Variants in EBF3 observed in about 807,000 individuals in gnomAD.
EBF3 encodes EBF transcription factor 3, also known as transcription factor COE3.
In EBF3, 18 loss-of-function variants were observed where a neutral mutation model predicts 77.1. That is an observed-to-expected ratio of 0.23 (90% CI 0.16 to 0.35). The LOEUF (loss-of-function observed/expected upper bound fraction) is 0.35, where lower values mean the gene tolerates loss of function less well. Ranked by LOEUF, EBF3 falls within the 10% of genes least tolerant of loss-of-function variation. EBF3 has a pLI of 1.00. For missense variants in EBF3, 558 were observed against 860.0 expected (o/e 0.65, Z 4.39); for synonymous variants, 350 against 343.5 (o/e 1.02, Z -0.21).
At chr10:129,882,403 T>C (rs1041047845) in intron 6 of EBF3, among the ~76,000 whole-genome samples, 12 of 152,230 alleles carry the variant, frequency 7.9e-5, no homozygotes, top group African/African-American at 2.9e-4. Flanking sequence ...TTTAATGGAA[T>C]ATCAAGGAGT....
chr10:129,937,375 G>A (rs942015059), intron 6 of EBF3, among the ~76,000 whole-genome samples: 34 of 152,094 alleles, frequency 2.2e-4, no homozygotes, highest in African/African-American at 7.5e-4. Flanking sequence ...GTGGGAATAC[G>A]ATCCTTGAGA....
Position 129,897,503 on chromosome 10 carries a change from TAACA to T in EBF3, c.555-19658_555-19655del, listed in dbSNP as rs1169238731. ...TAAATCAAGGGGGGCCAGGCAGACCTAACAAACAGAGGCAACACCTATGCAGGAA... is the reference window on the plus strand; with the variant it reads ...TAAATCAAGGGGGGCCAGGCAGACCTAACAGAGGCAACACCTATGCAGGAA... On this transcript the variant is annotated intron_variant, in intron 6 of 16. Transcript: ENST00000440978. This position sits in a 1 kb window ranked among gnomAD's most constrained non-coding sequence, Gnocchi z 4.6. Among the ~76,000 whole-genome samples the T allele has an allele frequency of 3.9e-5, 6 of 151,950 alleles. No homozygotes were observed. Among genetic ancestry groups the T allele is most frequent in the Admixed American group, 6.6e-5 (1 of 15,266 alleles).
Position 129,835,973 on chromosome 10 carries a change from A to G in EBF3, c.*1970T>C, listed in dbSNP as rs1849587700. The G allele has an allele frequency of 6.6e-6, 1 of 152,598 alleles. No homozygotes were observed. Among genetic ancestry groups the G allele is most frequent in the Non-Finnish European group, 1.5e-5 (1 of 68,046 alleles). The allele number at this position is 152,598 out of a possible 1,614,324, so 9.5% of individuals were successfully genotyped here. ...AGTGCTGTTGGAACTGACCACAAAA[A>G]TGTATTGTTAAAAAAAAATTGAAAA... On this transcript the variant is annotated 3_prime_UTR_variant, in exon 17 of 17. Coordinates refer to ENST00000440978, the MANE Select transcript of EBF3 (RefSeq NM_001375380.1).
At position 129,835,914 on chromosome 10, in the gene EBF3, T is replaced by C. The variant is rs971896533; in HGVS notation, c.*2029A>G. 1 of 151,626 alleles carries C rather than the reference T, an allele frequency of 6.6e-6. No individual in the cohort carries two copies. The highest frequency in any genetic ancestry group is 2.4e-5 in the African/African-American group (1 of 41,146). The allele number at this position is 151,626 out of a possible 1,614,324, so 9.4% of individuals were successfully genotyped here. On this transcript the variant is annotated 3_prime_UTR_variant, in exon 17 of 17. Coordinates refer to ENST00000440978, the MANE Select transcript of EBF3 (RefSeq NM_001375380.1). ...GTTTGGCACTAAGAGGCACGATATCTGAAGGAGGTCATTCCAGTTTTAAAA... is the reference window on the plus strand; with the variant it reads ...GTTTGGCACTAAGAGGCACGATATCCGAAGGAGGTCATTCCAGTTTTAAAA...
At chr10:129,884,174 G>A in intron 6 of EBF3, among the ~76,000 whole-genome samples, 1 of 152,152 alleles carries the variant, frequency 6.6e-6, no homozygotes, top group East Asian at 1.9e-4. Context: ...CCACAGCTGT[G>A]GTGTGTGCAC....
chr10:129,946,364 G>T lies in EBF3; in HGVS notation c.554+10894C>A, dbSNP rs548065939. Among the ~76,000 whole-genome samples the T allele has an allele frequency of 4.6e-5, 7 of 152,334 alleles. No individual in the cohort carries two copies. In the South Asian group the frequency reaches 1.4e-3, roughly 32 times the overall value. On this transcript the variant is annotated intron_variant, in intron 6 of 16. Transcript: ENST00000440978. Reference sequence around the variant, plus strand: ...TGGGGTTCTGGATGCTGTAATTGCTGAAAATAATTAGAATGGGGTCTGAGG... The same window carrying T: ...TGGGGTTCTGGATGCTGTAATTGCTTAAAATAATTAGAATGGGGTCTGAGG...
At chr10:129,840,220 G>C in intron 15 of EBF3, 25 bp downstream of exon 15, 2 of 1,537,706 alleles carry the variant, frequency 1.3e-6, no homozygotes, top group East Asian at 4.9e-5. Context: ...CCCAGCACTG[G>C]CCCACGGCCC....
chr10:129,868,324 TAATTGGGTTGGGTTTTTTCATCCGCG>T (rs1852171886), intron 8 of EBF3, among the ~76,000 whole-genome samples: 1 of 152,246 alleles, frequency 6.6e-6, no homozygotes, highest in African/African-American at 2.4e-5. Context: ...CATAAGCAGC[TAATTGGGTTGGGTTTTTTCATCCGCG>T]AACTTTGCCT....
intron 6 of EBF3, among the ~76,000 whole-genome samples, chr10:129,926,764 G>C (rs565874807): frequency 1.3e-5 from 2 of 152,234 alleles, no homozygotes; most frequent in East Asian, 1.9e-4. Context: ...CCGCTGGAGG[G>C]GGTGTGCCTC....
chr10:129,852,857 G>C (rs550138330), intron 10 of EBF3, among the ~76,000 whole-genome samples: 2 of 152,274 alleles, frequency 1.3e-5, no homozygotes, highest in East Asian at 3.9e-4. Context: ...GGGCTTGGTC[G>C]TGGGTCCCCA....
At chr10:129,916,653 T>C (rs1855902951) in intron 6 of EBF3, among the ~76,000 whole-genome samples, 1 of 152,180 alleles carries the variant, frequency 6.6e-6, no homozygotes, top group Non-Finnish European at 1.5e-5. Context: ...AGCGAGAGGC[T>C]GGATGCAGGG....
intron 10 of EBF3, among the ~76,000 whole-genome samples, chr10:129,866,585 T>C (rs1852027604): frequency 6.6e-6 from 1 of 152,202 alleles, no homozygotes. Flanking sequence ...CCTCAAAGAA[T>C]ACGGATCTCC....
chr10:129,843,329 C>A, intron 11 of EBF3, 127 bp from the exon 12 acceptor site: 1 of 937,606 alleles, frequency 1.1e-6, no homozygotes. Context: ...CCTGGCCCTG[C>A]CGTGCACTTC....
At chr10:129,873,674 C>T in intron 7 of EBF3, 78 bp from the exon 8 acceptor site, 1 of 1,373,498 alleles carries the variant, frequency 7.3e-7, no homozygotes. Context: ...TACAAGCCAT[C>T]TTAAATACTG....
At chr10:129,948,953 G>A (rs1858452315) in intron 6 of EBF3, among the ~76,000 whole-genome samples, 1 of 152,164 alleles carries the variant, frequency 6.6e-6, no homozygotes, top group Non-Finnish European at 1.5e-5. Flanking sequence ...TAATCTGTCA[G>A]AAGAGCATTT....
intron 5 of EBF3, 35 bp downstream of exon 5, chr10:129,958,899 G>C (rs1859253882): frequency 6.3e-7 from 1 of 1,579,660 alleles, no homozygotes; most frequent in African/African-American, 1.4e-5. Context: ...CGCCGAGGCA[G>C]CCCGCGCCCC....
intron 10 of EBF3, among the ~76,000 whole-genome samples, chr10:129,862,519 G>A (rs1210688036): frequency 6.6e-6 from 1 of 152,102 alleles, no homozygotes; most frequent in Non-Finnish European, 1.5e-5. Context: ...CAACCATCCG[G>A]GTGCAAGAAA....
chr10:129,836,382 A>G lies in EBF3; in HGVS notation c.*1561T>C, dbSNP rs1244154065. On this transcript the variant is annotated 3_prime_UTR_variant, in exon 17 of 17. Transcript: ENST00000440978. ...TGGGTGGCATCTAAAATGACTTTTT[A>G]CATTCTACAAAAAAATAAAATAAAA... 1 of 152,360 alleles carries G rather than the reference A, an allele frequency of 6.6e-6. No individual in the cohort carries two copies. The highest frequency in any genetic ancestry group is 2.4e-5 in the African/African-American group (1 of 41,438). The allele number at this position is 152,360 out of a possible 1,614,324, so 9.4% of individuals were successfully genotyped here. A position where few individuals can be genotyped will look rare whatever the true frequency, so the allele number is the denominator to read the frequency against.
chr10:129,963,716 T>C lies in EBF3; in HGVS notation c.53A>G (p.Glu18Gly). The change falls in exon 1 of 17, where the codon GAG becomes GGG. Residue 18 changes from glutamate to glycine, a missense_variant. Physicochemically the swap from Glu to Gly is moderately conservative, Grantham distance 98. Transcript: ENST00000440978. This position sits in a 1 kb window ranked among gnomAD's most constrained non-coding sequence, Gnocchi z 7.1. ...IPRGGTTMKE[E>G]PLGSGMNPVR... ...CGGGTTCATGCCGCTGCCCAGCGGCTCCTCCTTCATGGTCGTCCCCCCGCG... is the reference window on the plus strand; with the variant it reads ...CGGGTTCATGCCGCTGCCCAGCGGCCCCTCCTTCATGGTCGTCCCCCCGCG... 3 of 1,534,846 alleles carry C rather than the reference T, an allele frequency of 2.0e-6. No homozygotes were observed. The highest frequency in any genetic ancestry group is 2.6e-6 in the Non-Finnish European group (3 of 1,134,808).
Sources: gnomAD v4.1 joint callset for allele counts (sites outside exome capture counted in the v4.1 genomes callset) on GRCh38, gnomAD v4.1.1 for gene constraint, Gnocchi (gnomAD v3.1) non-coding constraint, MANE v1.5 for transcripts, NCBI Gene and HGNC (gene_info 2026-07-23, HGNC 2026-07-21) for gene names.